The following NELL2 variants were observed in gnomAD, a reference collection of about 807,000 sequenced individuals.
The protein encoded by NELL2 is neural EGFL like 2, also known as protein kinase C-binding protein NELL2.
A neutral mutation model predicts 109.6 loss-of-function variants in NELL2; 41 were observed. That is an observed-to-expected ratio of 0.37 (90% confidence interval 0.29 to 0.49). NELL2 has a LOEUF of 0.49. Among genes scored for constraint, NELL2 ranks in the 20% least tolerant of loss-of-function variants. The pLI is 0.98. For synonymous variants in NELL2, 355 were observed against 344.7 expected, an observed-to-expected ratio of 1.03 and a Z score of -0.33; for missense variants, 900 against 1,008.3, an observed-to-expected ratio of 0.89 and a Z score of 1.45.
At chr12:44,532,795 T>A (rs2139011211) in intron 15 of NELL2, 74 bp from the exon 16 acceptor site, 1 of 1,415,484 alleles carries the variant, frequency 7.1e-7, no homozygotes, top group Non-Finnish European at 9.5e-7. Context: ...GCTACAAGGC[T>A]ACTAAAATTT....
At chr12:44,758,938 C>G (rs1294691494) in intron 9 of NELL2, among the ~76,000 whole-genome samples, 1 of 152,168 alleles carries the variant, frequency 6.6e-6, no homozygotes, top group Non-Finnish European at 1.5e-5. Flanking sequence ...CTCTGACATA[C>G]CATGTATTGC....
At chr12:44,570,413 GT>G (rs1404926907) in intron 15 of NELL2, among the ~76,000 whole-genome samples, 1 of 152,140 alleles carries the variant, frequency 6.6e-6, no homozygotes, top group African/African-American at 2.4e-5. Flanking sequence ...AAATGGGACT[GT>G]GACAGTCTCC....
upstream of NELL2, among the ~76,000 whole-genome samples, chr12:44,914,763 T>C (rs74602807): frequency 0.011 from 1,605 of 152,228 alleles, 31 homozygotes; most frequent in East Asian, 0.048. Context: ...TCCTGGAGTG[T>C]AGAGAAAGGT....
At chr12:44,554,254 A>G (rs1010258000) in intron 15 of NELL2, among the ~76,000 whole-genome samples, 1 of 152,198 alleles carries the variant, frequency 6.6e-6, no homozygotes, top group Non-Finnish European at 1.5e-5. Context: ...TAGTGTGTTA[A>G]GATATCTATT....
chr12:44,570,282 G>A (rs1015451916), intron 15 of NELL2, among the ~76,000 whole-genome samples: 3 of 152,188 alleles, frequency 2.0e-5, no homozygotes, highest in Admixed American at 2.0e-4. Flanking sequence ...GTGTGGCGAT[G>A]CTGGTGCTCC....
At chr12:44,791,737 G>A (rs978051679) in intron 3 of NELL2, among the ~76,000 whole-genome samples, 1 of 152,102 alleles carries the variant, frequency 6.6e-6, no homozygotes, top group African/African-American at 2.4e-5. Context: ...GAGACTATAA[G>A]AAGAGTAAGT....
chr12:44,532,814 A>G, intron 15 of NELL2, 93 bp from the exon 16 acceptor site: 1 of 1,179,666 alleles, frequency 8.5e-7, no homozygotes, highest in Non-Finnish European at 1.2e-6. Context: ...TTTTAATGCC[A>G]GCAAATCCTT....
At chr12:44,715,440 G>A (rs972176054) in intron 9 of NELL2, among the ~76,000 whole-genome samples, 4 of 151,514 alleles carry the variant, frequency 2.6e-5, no homozygotes, top group African/African-American at 9.7e-5. Context: ...CATATTTACA[G>A]TTCACACAAA....
chr12:44,876,552 G>A (rs1566581938), upstream of NELL2: 2 of 1,464,734 alleles, frequency 1.4e-6, no homozygotes, highest in East Asian at 5.0e-5. Context: ...CCTCCTTTCG[G>A]GATTGAAAGC....
intron 2 of NELL2, among the ~76,000 whole-genome samples, chr12:44,835,790 C>T (rs1044917270): frequency 6.6e-6 from 1 of 152,120 alleles, no homozygotes; most frequent in Admixed American, 6.5e-5. Context: ...AGGAGAAATG[C>T]GGAAGCCAAG....
chr12:44,879,527 T>G (rs1945387039), upstream of NELL2, among the ~76,000 whole-genome samples: 1 of 151,756 alleles, frequency 6.6e-6, no homozygotes. Flanking sequence ...AATCCCCAGG[T>G]GCTAGAAAAA....
chr12:44,637,124 C>G (rs550372626), intron 13 of NELL2, among the ~76,000 whole-genome samples: 1 of 151,804 alleles, frequency 6.6e-6, no homozygotes, highest in African/African-American at 2.4e-5. Flanking sequence ...TTTATTGTGT[C>G]TATTTGATTC....
In NELL2 at chr12:44,723,650, T is replaced by C. The variant is rs11182619; in HGVS notation, c.995-8909A>G. ...TAAGTTTCATTTTGTTTGGGGTTTTTTTAATGTAATAAGATAGATACTTGC... is the reference window on the plus strand; with the variant it reads ...TAAGTTTCATTTTGTTTGGGGTTTTCTTAATGTAATAAGATAGATACTTGC... On this transcript the variant is annotated intron_variant, in intron 9 of 19. Coordinates refer to ENST00000429094, the MANE Select transcript of NELL2 (RefSeq NM_001145108.2). 1.3e-3 allele frequency among the ~76,000 whole-genome samples: 204 copies of C among 152,278 alleles called. 4 individuals are homozygous for C. The East Asian group carries it at 0.03, about 23-fold the overall frequency.
At chr12:44,813,027 G>C (rs1055274006) in intron 3 of NELL2, among the ~76,000 whole-genome samples, 60 of 152,270 alleles carry the variant, frequency 3.9e-4, no homozygotes, top group African/African-American at 1.4e-3. Context: ...ATGATTATGA[G>C]AGGTTTGTGA....
chr12:44,736,806 TCTCCC>T (rs1401669835), intron 9 of NELL2, among the ~76,000 whole-genome samples: 6 of 152,096 alleles, frequency 3.9e-5, no homozygotes, highest in African/African-American at 1.4e-4. Flanking sequence ...CTACATTTAG[TCTCCC>T]TCATGAAGTT....
rs542634208 is a variant in NELL2, at chr12:44,649,836, A to G, written c.1444+15648T>C. On this transcript the variant is annotated intron_variant, in intron 13 of 19. Coordinates refer to ENST00000429094, the MANE Select transcript of NELL2 (RefSeq NM_001145108.2). Reference sequence around the variant, plus strand: ...AAGACTGAGAGTTGCCTGTGATCACAGGAGCATTTAGTTGGCAGCTGCACA... The same window carrying G: ...AAGACTGAGAGTTGCCTGTGATCACGGGAGCATTTAGTTGGCAGCTGCACA... 1.6e-3 allele frequency among the ~76,000 whole-genome samples: 241 copies of G among 152,312 alleles called. 1 individual carries two copies. Among genetic ancestry groups the G allele is most frequent in the African/African-American group, 5.6e-3 (234 of 41,560 alleles).
chr12:44,729,132 T>C (rs1391628872), intron 9 of NELL2, among the ~76,000 whole-genome samples: 1 of 152,118 alleles, frequency 6.6e-6, no homozygotes, highest in Non-Finnish European at 1.5e-5. Flanking sequence ...TTCTGGTATA[T>C]AACTTAAAGA....
Position 44,556,516 on chromosome 12 carries a change from T to G in NELL2, c.1664-23795A>C, listed in dbSNP as rs550555228. ...AAGCCAGATATAGGATCACCTAAGCTGAGAAATCAGAGAAAGTGGGAATCA... is the reference window on the plus strand; with the variant it reads ...AAGCCAGATATAGGATCACCTAAGCGGAGAAATCAGAGAAAGTGGGAATCA... On this transcript the variant is annotated intron_variant, in intron 15 of 19. Coordinates refer to ENST00000429094, the MANE Select transcript of NELL2 (RefSeq NM_001145108.2). 2.3e-4 allele frequency among the ~76,000 whole-genome samples: 35 copies of G among 152,238 alleles called. 1 individual carries two copies. The South Asian group carries it at 6.8e-3, about 30-fold the overall frequency.
chr12:44,532,782 T>A (rs1458555552), intron 15 of NELL2, 61 bp from the exon 16 acceptor site: 14 of 1,517,564 alleles, frequency 9.2e-6, no homozygotes, highest in Non-Finnish European at 1.2e-5. Flanking sequence ...ACTAGAATAT[T>A]CTGCTACAAG....
Sources: gnomAD v4.1 joint callset for allele counts (sites outside exome capture counted in the v4.1 genomes callset) on GRCh38, gnomAD v4.1.1 for gene constraint, MANE v1.5 for transcripts, NCBI Gene and HGNC (gene_info 2026-07-23, HGNC 2026-07-21) for gene names.